COG6: variants seen among roughly 807,000 people sequenced by gnomAD.
COG6 encodes the protein component of oligomeric golgi complex 6, also known as conserved oligomeric Golgi complex subunit 6.
Under a neutral mutation model 88.8 loss-of-function variants are expected in COG6, and 74 were observed. That is an observed-to-expected ratio of 0.83 (90% CI 0.69 to 1.01). The LOEUF is 1.01. Ranked by LOEUF, COG6 falls within the 50% of genes least tolerant of loss-of-function variation. The probability of loss-of-function intolerance (pLI) is 0.00; values close to 1 mark genes in which losing one functional copy is unlikely to be tolerated. For synonymous variants in COG6, 286 were observed against 278.7 expected, an observed-to-expected ratio of 1.03 and a Z score of -0.26; for missense variants, 800 against 797.9, an observed-to-expected ratio of 1.00 and a Z score of -0.03.
At chr13:39,706,338 T>C (rs1877925065) in intron 13 of COG6, among the ~76,000 whole-genome samples, 1 of 147,110 alleles carries the variant, frequency 6.8e-6, no homozygotes, top group Non-Finnish European at 1.5e-5. Context: ...ACTTTGTGTT[T>C]GGTTGGCTAG....
chr13:39,740,358 C>T (rs975215809), intron 18 of COG6, among the ~76,000 whole-genome samples: 10 of 152,174 alleles, frequency 6.6e-5, no homozygotes, highest in Non-Finnish European at 1.2e-4. Context: ...CCCTCTCCAC[C>T]ACCATCCACC....
chr13:39,774,863 G>A (rs1184316468), intron 18 of COG6, among the ~76,000 whole-genome samples: 1 of 152,002 alleles, frequency 6.6e-6, no homozygotes, highest in African/African-American at 2.4e-5. Context: ...GTGAGCCACC[G>A]CGCCTGGCTG....
At chr13:39,771,276 T>A (rs1171791703) in intron 18 of COG6, among the ~76,000 whole-genome samples, 1 of 152,246 alleles carries the variant, frequency 6.6e-6, no homozygotes, top group Non-Finnish European at 1.5e-5. Flanking sequence ...CCGCAGGTAC[T>A]GAAAGGCATT....
intron 18 of COG6, among the ~76,000 whole-genome samples, chr13:39,784,788 C>T (rs1881724688): frequency 6.6e-6 from 1 of 152,140 alleles, no homozygotes; most frequent in African/African-American, 2.4e-5. Context: ...CTCTGGGCTC[C>T]CACTCTGAAG....
chr13:39,726,433 T>C (rs1047127368), intron 17 of COG6, among the ~76,000 whole-genome samples: 7 of 151,942 alleles, frequency 4.6e-5, no homozygotes, highest in Non-Finnish European at 8.8e-5. Flanking sequence ...TTCATACATA[T>C]CCAAAATCTG....
downstream of COG6, among the ~76,000 whole-genome samples, chr13:39,757,204 G>A (rs552748640): frequency 1.0e-3 from 152 of 152,202 alleles, no homozygotes; most frequent in African/African-American, 3.2e-3. Flanking sequence ...CTAACATGTG[G>A]AAATTAAACA....
intron 16 of COG6, 107 bp from the exon 17 acceptor site, chr13:39,724,401 T>G (rs1294177412): frequency 1.3e-5 from 10 of 799,320 alleles, no homozygotes; most frequent in Admixed American, 2.5e-5. Flanking sequence ...TAAATGATTT[T>G]CCAAATTTGG....
At chr13:39,734,629 C>A (rs1311457082) in intron 18 of COG6, among the ~76,000 whole-genome samples, 1 of 152,120 alleles carries the variant, frequency 6.6e-6, no homozygotes, top group African/African-American at 2.4e-5. Flanking sequence ...GTCTGTAGTG[C>A]AGATTAAGTC....
Position 39,687,536 on chromosome 13 carries a change from A to T in COG6, c.822A>T (p.Arg274Ser). The change falls in exon 9 of 19, where the codon AGA (arginine) becomes AGT (serine). Residue 274 changes from arginine (R) to serine (S), a missense_variant. Coordinates refer to ENST00000455146, the MANE Select transcript of COG6 (RefSeq NM_020751.3). ...TAGATGAATTTGGAACAGCCAGAAG[A>T]AGTACAGTTGTTCGTGGATTTATTG... ...YTLDEFGTARRSTVVRGFIDA... is the reference protein window; with the variant it reads ...YTLDEFGTARSSTVVRGFIDA... 4 of 1,613,248 alleles carry T rather than the reference A, an allele frequency of 2.5e-6. No individual in the cohort carries two copies. Among genetic ancestry groups the T allele is most frequent in the East Asian group, 2.2e-5 (1 of 44,844 alleles).
At chr13:39,736,950 C>G (rs1356118832) in intron 18 of COG6, among the ~76,000 whole-genome samples, 6 of 152,154 alleles carry the variant, frequency 3.9e-5, no homozygotes, top group Non-Finnish European at 8.8e-5. Flanking sequence ...GGCCTTGTAC[C>G]TGTCCTTCTT....
At chr13:39,741,048 T>A (rs529226403) in intron 18 of COG6, among the ~76,000 whole-genome samples, 1 of 152,204 alleles carries the variant, frequency 6.6e-6, no homozygotes, top group African/African-American at 2.4e-5. Flanking sequence ...AAGTACAGAT[T>A]AATGACAAGC....
rs183412795 is a variant in COG6 at position 39,761,189 on chromosome 13, A to C, written c.1827-27146A>C. On this transcript the variant is annotated intron_variant, in intron 18 of 18. Transcript: ENST00000416691. ...GGTAGTTTTAATGTCCTTCAAAAAC[A>C]CTGTAATTTTCTTCATATAGATCTA... 2.5e-3 allele frequency among the ~76,000 whole-genome samples: 386 copies of C among 152,124 alleles called. 1 individual carries two copies. The highest frequency in any genetic ancestry group is 8.9e-3 in the African/African-American group (368 of 41,552).
chr13:39,720,117 T>A (rs1240526861), intron 15 of COG6, among the ~76,000 whole-genome samples: 1 of 152,026 alleles, frequency 6.6e-6, no homozygotes, highest in African/African-American at 2.4e-5. Flanking sequence ...GATAGTAGAT[T>A]GAAGCTTTCT....
At chr13:39,727,281 C>T (rs1416293156) in intron 17 of COG6, among the ~76,000 whole-genome samples, 188 bp from the exon 18 acceptor site, 1 of 151,826 alleles carries the variant, frequency 6.6e-6, no homozygotes, top group Non-Finnish European at 1.5e-5. Flanking sequence ...GACTATATTA[C>T]AGATTTGACA....
At position 39,782,779 on chromosome 13, in the gene COG6, G is replaced by T. The variant is rs370153059; in HGVS notation, c.1827-5556G>T. Among the ~76,000 whole-genome samples, 31 of 152,264 alleles carry T rather than the reference G, an allele frequency of 2.0e-4. No homozygotes were observed. The East Asian group carries it at 5.0e-3, about 25-fold the overall frequency. On this transcript the variant is annotated intron_variant, in intron 18 of 18. Transcript: ENST00000416691. ...GCAGCACCTAGACCACGGTGCTCAG[G>T]GGGGAACAGCATGTCTGGAGTCTGT...
intron 11 of COG6, among the ~76,000 whole-genome samples, chr13:39,691,584 C>T (rs1010257499): frequency 1.3e-5 from 2 of 151,908 alleles, no homozygotes; most frequent in East Asian, 1.9e-4. Context: ...ACAATAGTTA[C>T]GTATCAAATT....
chr13:39,719,658 A>G lies in COG6; in HGVS notation c.1417-2A>G, dbSNP rs756724972. The G allele has an allele frequency of 6.2e-7, 1 of 1,610,840 alleles. No homozygotes were observed. ...AGAGTTCATTTTATTTTTCATTTGT[A>G]GGTTTTATCATGTGTCTTGGATCCT... is the stretch of plus-strand genomic sequence containing the variant. On this transcript the variant is annotated splice_acceptor_variant, in intron 14 of 18. Transcript: ENST00000455146. LOFTEE classifies it high-confidence loss of function.
At chr13:39,729,708 A>G (rs1402037566) in intron 18 of COG6, among the ~76,000 whole-genome samples, 2 of 152,224 alleles carry the variant, frequency 1.3e-5, no homozygotes, top group South Asian at 2.1e-4. Context: ...TAAAACATTT[A>G]TTACATACTA....
intron 2 of COG6, among the ~76,000 whole-genome samples, chr13:39,660,577 T>G (rs1874833519): frequency 6.6e-6 from 1 of 152,240 alleles, no homozygotes; most frequent in African/African-American, 2.4e-5. Flanking sequence ...ATAAAGCATT[T>G]GCTGTTTTCC....
Sources: gnomAD v4.1 joint callset for allele counts (sites outside exome capture counted in the v4.1 genomes callset) on GRCh38, gnomAD v4.1.1 for gene constraint, MANE v1.5 for transcripts, NCBI Gene and HGNC (gene_info 2026-07-23, HGNC 2026-07-21) for gene names.